Variants in SLC5A11 observed in about 807,000 individuals in gnomAD.
SLC5A11 encodes solute carrier family 5 member 11, also known as sodium/myo-inositol cotransporter 2.
Under a neutral mutation model 69.8 loss-of-function variants are expected in SLC5A11, and 48 were observed. The ratio of observed to expected loss-of-function variants is 0.69; its 90% CI spans 0.55 to 0.87. The LOEUF (loss-of-function observed/expected upper bound fraction) is 0.87, where lower values mean the gene tolerates loss of function less well. SLC5A11 is among the 40% of genes least tolerant of loss of function. SLC5A11 has a pLI of 0.00. For synonymous variants in SLC5A11, 319 were observed against 342.4 expected (o/e 0.93, Z 0.75); for missense variants, 784 against 866.1 (o/e 0.91, Z 1.19).
chr16:24,900,004 G>T (rs2049464865), intron 10 of SLC5A11, among the ~76,000 whole-genome samples: 1 of 152,056 alleles, frequency 6.6e-6, no homozygotes, highest in Non-Finnish European at 1.5e-5. Context: ...TGCCCAGCTG[G>T]GTGTACTTTT....
intron 9 of SLC5A11, among the ~76,000 whole-genome samples, chr16:24,893,236 C>G (rs1402978847): frequency 6.6e-6 from 1 of 151,262 alleles, no homozygotes; most frequent in Non-Finnish European, 1.5e-5. Context: ...TGCAGTGAGC[C>G]GAGATCATGC....
At chr16:24,911,602 A>G (rs1456200948) in exon 16 of SLC5A11, 1 of 1,482,224 alleles carries the variant, frequency 6.7e-7, no homozygotes, top group Non-Finnish European at 9.3e-7. Flanking sequence ...GAAAGAAAAA[A>G]TAATAAAGCT....
At chr16:24,903,450 C>T (rs1466765903) in intron 10 of SLC5A11, among the ~76,000 whole-genome samples, 2 of 152,022 alleles carry the variant, frequency 1.3e-5, no homozygotes, top group African/African-American at 2.4e-5. Flanking sequence ...CACATTATTC[C>T]TCCTGTCTAG....
intron 8 of SLC5A11, among the ~76,000 whole-genome samples, chr16:24,890,634 A>C (rs274079): frequency 0.3 from 46,179 of 151,738 alleles, 7,407 homozygotes; most frequent in African/African-American, 0.4. Flanking sequence ...CAAACACCAA[A>C]TTTTACATTT....
At chr16:24,909,911 T>C (rs1394881326) in intron 14 of SLC5A11, among the ~76,000 whole-genome samples, 1 of 151,374 alleles carries the variant, frequency 6.6e-6, no homozygotes, top group African/African-American at 2.4e-5. Context: ...TAGATTTCCA[T>C]TGATGGAGTC....
chr16:24,898,620 G>A (rs925596847), intron 10 of SLC5A11, among the ~76,000 whole-genome samples: 3 of 151,322 alleles, frequency 2.0e-5, no homozygotes, highest in Admixed American at 6.6e-5. Context: ...CTGGGTTCAC[G>A]CCATTCTCCT....
At chr16:24,867,776 A>C (rs889248059) in intron 3 of SLC5A11, among the ~76,000 whole-genome samples, 3 of 152,170 alleles carry the variant, frequency 2.0e-5, no homozygotes, top group African/African-American at 7.2e-5. Context: ...TGAAATGAAC[A>C]AATTCCTAGA....
intron 10 of SLC5A11, among the ~76,000 whole-genome samples, chr16:24,903,532 C>G (rs2049803165): frequency 6.6e-6 from 1 of 152,160 alleles, no homozygotes; most frequent in South Asian, 2.1e-4. Context: ...CTCTAGAAAC[C>G]ACTATCCTAC....
chr16:24,896,088 T>C (rs1438434702), intron 9 of SLC5A11, among the ~76,000 whole-genome samples: 2 of 150,922 alleles, frequency 1.3e-5, no homozygotes, highest in African/African-American at 4.9e-5. Flanking sequence ...GCGTGGTGGC[T>C]CACGCCTATA....
chr16:24,890,766 T>C, intron 8 of SLC5A11, 103 bp from the exon 10 acceptor site: 1 of 1,073,736 alleles, frequency 9.3e-7, no homozygotes, highest in South Asian at 1.3e-5. Flanking sequence ...ACATTTTTGG[T>C]GGCTCTGGTC....
chr16:24,872,234 A>G lies in SLC5A11; in HGVS notation c.372+15A>G, dbSNP rs770710598. 3 of 1,614,000 alleles carry G rather than the reference A, an allele frequency of 1.9e-6. No homozygotes were observed. In the South Asian group the frequency reaches 3.3e-5, roughly 18 times the overall value. ...TTGCTGGTCAGGTGAGTCGGGGGAC[A>G]TTGGGATGCTGTAGAATTGAAAGAT... On this transcript the variant is annotated intron_variant, in intron 5 of 15. Transcript: ENST00000347898.
chr16:24,869,593 G>A (rs548432025), intron 3 of SLC5A11, among the ~76,000 whole-genome samples: 16 of 152,094 alleles, frequency 1.1e-4, no homozygotes, highest in East Asian at 7.7e-4. Context: ...CCCGACCCCC[G>A]CAGGGATACT....
intron 7 of SLC5A11, among the ~76,000 whole-genome samples, chr16:24,882,142 G>A (rs781059461): frequency 1.4e-4 from 22 of 152,268 alleles, no homozygotes; most frequent in Non-Finnish European, 2.6e-4. Context: ...GACTCTATGA[G>A]GGCAGGGAAC....
chr16:24,865,571 C>G (rs1017793719), intron 3 of SLC5A11, among the ~76,000 whole-genome samples: 3 of 151,972 alleles, frequency 2.0e-5, no homozygotes, highest in Non-Finnish European at 2.9e-5. Flanking sequence ...AAAGAAAAGT[C>G]TTCAATAAGA....
intron 8 of SLC5A11, among the ~76,000 whole-genome samples, chr16:24,890,293 G>A (rs1305915940): frequency 1.3e-5 from 2 of 151,848 alleles, no homozygotes; most frequent in Non-Finnish European, 2.9e-5. Context: ...AGACCAGCCT[G>A]GCCAACGTGG....
chr16:24,874,376 G>A (rs1251284131), intron 5 of SLC5A11, among the ~76,000 whole-genome samples: 1 of 152,110 alleles, frequency 6.6e-6, no homozygotes, highest in Non-Finnish European at 1.5e-5. Context: ...CATTGGATAT[G>A]TTCATCTTTG....
chr16:24,861,645 CAAG>C (rs1298261930), intron 2 of SLC5A11, among the ~76,000 whole-genome samples: 21 of 100,990 alleles, frequency 2.1e-4, no homozygotes, highest in South Asian at 6.5e-4. Context: ...AGGGAAGGGA[CAAG>C]AAGAAGAAAG....
intron 3 of SLC5A11, among the ~76,000 whole-genome samples, chr16:24,866,454 T>G (rs1424719872): frequency 6.6e-6 from 1 of 151,616 alleles, no homozygotes; most frequent in East Asian, 1.9e-4. Context: ...CACATGTGCC[T>G]GTAGTCCCAG....
chr16:24,908,595 CAAAAAAA>C (rs764700253), intron 13 of SLC5A11, among the ~76,000 whole-genome samples: 5 of 70,596 alleles, frequency 7.1e-5, no homozygotes, highest in African/African-American at 1.7e-4. Flanking sequence ...GAGACTGTCT[CAAAAAAA>C]AAAAAAAAAA....
Sources: allele counts gnomAD v4.1 joint callset (sites outside exome capture counted in the v4.1 genomes callset), GRCh38; gene constraint gnomAD v4.1.1; transcripts MANE v1.5; gene names NCBI Gene and HGNC (gene_info 2026-07-23, HGNC 2026-07-21).